Variants in ARHGAP24 observed in about 807,000 individuals in gnomAD.
ARHGAP24 encodes rho GTPase-activating protein 24.
Under a neutral mutation model 76.4 loss-of-function variants are expected in ARHGAP24, and 50 were observed. The ratio of observed to expected loss-of-function variants is 0.65; its 90% CI spans 0.52 to 0.83. ARHGAP24 has a LOEUF of 0.83. Among genes scored for constraint, ARHGAP24 ranks in the 40% least tolerant of loss-of-function variants. The pLI, the probability that ARHGAP24 is intolerant of heterozygous loss-of-function variation, is 0.00. For missense variants in ARHGAP24, 930 were observed against 914.2 expected (o/e 1.02, Z -0.22); for synonymous variants, 345 against 323.3 (o/e 1.07, Z -0.72).
intron 2 of ARHGAP24, among the ~76,000 whole-genome samples, chr4:85,702,743 T>C (rs1358393831): frequency 3.9e-5 from 6 of 152,140 alleles, no homozygotes; most frequent in Admixed American, 3.3e-4. Flanking sequence ...GTTTGCAGAA[T>C]ATATTACTAG....
At chr4:85,663,209 A>T (rs1160561826) in intron 2 of ARHGAP24, among the ~76,000 whole-genome samples, 1 of 150,058 alleles carries the variant, frequency 6.7e-6, no homozygotes, top group Non-Finnish European at 1.5e-5. Flanking sequence ...AGTGGTTTGT[A>T]GTTCTCCTTG....
chr4:85,758,959 A>C (rs899660958), intron 3 of ARHGAP24, among the ~76,000 whole-genome samples: 2 of 152,184 alleles, frequency 1.3e-5, no homozygotes. Flanking sequence ...TATCCTTTTT[A>C]TCGTTACGCT....
intron 3 of ARHGAP24, among the ~76,000 whole-genome samples, chr4:85,752,046 G>A (rs1438864664): frequency 6.6e-6 from 1 of 152,146 alleles, no homozygotes; most frequent in African/African-American, 2.4e-5. Flanking sequence ...ATGTGGCAAG[G>A]AAGAGTGTGC....
In ARHGAP24 at chr4:85,977,617, T is replaced by C; in HGVS notation, c.854T>C (p.Val285Ala). 2 of 1,613,988 alleles carry C rather than the reference T, an allele frequency of 1.2e-6. No homozygotes were observed. The highest frequency in any genetic ancestry group is 2.2e-5 in the East Asian group (1 of 44,846). The change falls in exon 8 of 10, where the codon GTG becomes GCG. Residue 285 changes from valine (V) to alanine (A), a missense_variant. Transcript: ENST00000395184. ...TACTCGGGAGTTAACAAAATGAGTG[T>C]GCAGAACTTGGCAACGGTCTTTGGT... ...QSYSGVNKMS[V>A]QNLATVFGPN...
chr4:85,987,201 C>T (rs758157495), intron 8 of ARHGAP24, among the ~76,000 whole-genome samples: 2 of 151,874 alleles, frequency 1.3e-5, no homozygotes, highest in Non-Finnish European at 2.9e-5. Context: ...TTTAAAAAGG[C>T]GGTGGAGAGG....
intron 3 of ARHGAP24, among the ~76,000 whole-genome samples, chr4:85,884,946 G>A (rs1733476886): frequency 6.6e-6 from 1 of 152,074 alleles, no homozygotes; most frequent in South Asian, 2.1e-4. Context: ...GTTATATATG[G>A]TAAAAATGGG....
At chr4:85,825,103 G>A (rs79980676) in intron 3 of ARHGAP24, among the ~76,000 whole-genome samples, 16,863 of 150,248 alleles carry the variant, frequency 0.11, 1,045 homozygotes, top group East Asian at 0.2. Flanking sequence ...AAAACGAAAC[G>A]AAACAAAACA....
intron 2 of ARHGAP24, among the ~76,000 whole-genome samples, chr4:85,584,090 G>A (rs1383924495): frequency 6.7e-6 from 1 of 150,188 alleles, no homozygotes; most frequent in African/African-American, 2.5e-5. Flanking sequence ...TCCCATTACT[G>A]GGTATATACC....
At chr4:85,948,799 C>T (rs546814535) in intron 5 of ARHGAP24, among the ~76,000 whole-genome samples, 1 of 152,196 alleles carries the variant, frequency 6.6e-6, no homozygotes, top group East Asian at 1.9e-4. Flanking sequence ...TTGGCTTTTT[C>T]CTTTAAGCCA....
intron 3 of ARHGAP24, among the ~76,000 whole-genome samples, chr4:85,791,776 G>A (rs1335312346): frequency 6.6e-6 from 1 of 152,152 alleles, no homozygotes; most frequent in African/African-American, 2.4e-5. Context: ...GCTTGTTAGT[G>A]CAGCATAATT....
chr4:85,714,203 C>T (rs941129809), intron 2 of ARHGAP24, among the ~76,000 whole-genome samples: 1 of 152,166 alleles, frequency 6.6e-6, no homozygotes, highest in Non-Finnish European at 1.5e-5. Flanking sequence ...TTCTCCTGTT[C>T]TGTCCAGTGT....
intron 1 of ARHGAP24, among the ~76,000 whole-genome samples, chr4:85,495,339 G>C (rs936461788): frequency 1.6e-5 from 2 of 128,904 alleles, no homozygotes; most frequent in African/African-American, 5.7e-5. Flanking sequence ...CAGAAGTACA[G>C]AATTTTTTTT....
chr4:85,609,975 C>T (rs1031620269), intron 2 of ARHGAP24, among the ~76,000 whole-genome samples: 2 of 152,116 alleles, frequency 1.3e-5, no homozygotes, highest in South Asian at 4.1e-4. Flanking sequence ...TTAGATTACC[C>T]TATTTTTAAC....
chr4:85,747,900 C>G (rs1237545985), intron 3 of ARHGAP24, among the ~76,000 whole-genome samples: 1 of 152,134 alleles, frequency 6.6e-6, no homozygotes, highest in Non-Finnish European at 1.5e-5. Flanking sequence ...TTGGAGGGGA[C>G]AATGTTTTAA....
At chr4:85,683,564 G>A (rs1159996817) in intron 2 of ARHGAP24, among the ~76,000 whole-genome samples, 1 of 152,110 alleles carries the variant, frequency 6.6e-6, no homozygotes, top group Non-Finnish European at 1.5e-5. Flanking sequence ...ATATTTTGAA[G>A]TTGTAATACT....
intron 1 of ARHGAP24, among the ~76,000 whole-genome samples, chr4:85,542,924 T>C (rs1402252629): frequency 1.3e-5 from 2 of 152,190 alleles, no homozygotes. Context: ...ACGGGGTTAT[T>C]GTGAGGATTA....
At chr4:85,825,433 A>C (rs958810042) in intron 3 of ARHGAP24, among the ~76,000 whole-genome samples, 1 of 152,190 alleles carries the variant, frequency 6.6e-6, no homozygotes, top group Non-Finnish European at 1.5e-5. Flanking sequence ...TATATTCCAC[A>C]CTACAGTTGA....
At chr4:85,996,849 T>C (rs1740690950) in intron 9 of ARHGAP24, among the ~76,000 whole-genome samples, 1 of 152,234 alleles carries the variant, frequency 6.6e-6, no homozygotes, top group South Asian at 2.1e-4. Context: ...AATTAGCATT[T>C]CACACTGGGA....
intron 3 of ARHGAP24, among the ~76,000 whole-genome samples, chr4:85,823,090 CTCTT>C (rs769749628): frequency 1.1e-3 from 162 of 152,188 alleles, no homozygotes; most frequent in Admixed American, 2.6e-3. Context: ...CTATTTTCTG[CTCTT>C]TCTTTCTTTC....
Sources: allele counts gnomAD v4.1 joint callset (sites outside exome capture counted in the v4.1 genomes callset), GRCh38; gene constraint gnomAD v4.1.1; transcripts MANE v1.5; gene names NCBI Gene and HGNC (gene_info 2026-07-23, HGNC 2026-07-21).